Variants in NAV3 observed in about 807,000 individuals in gnomAD.
The protein encoded by NAV3 is neuron navigator 3, also known as pore membrane and/or filament interacting like protein 1.
Under a neutral mutation model 244.7 loss-of-function variants are expected in NAV3, and 87 were observed. The ratio of observed to expected loss-of-function variants is 0.36; its 90% confidence interval spans 0.30 to 0.42. The LOEUF (loss-of-function observed/expected upper bound fraction) is 0.42. Ranked by LOEUF, NAV3 falls within the 20% of genes least tolerant of loss-of-function variation. The pLI is 1.00. For missense variants in NAV3, 2,663 were observed against 2,893.3 expected, an observed-to-expected ratio of 0.92 and a Z score of 1.83; for synonymous variants, 1,126 against 1,042.2, an observed-to-expected ratio of 1.08 and a Z score of -1.55.
rs570300343 is a variant in NAV3, at chr12:77,928,938, G to GT, written c.244-11380dup. On this transcript the variant is annotated intron_variant, in intron 1 of 39. Coordinates refer to ENST00000397909, the MANE Select transcript of NAV3 (RefSeq NM_001024383.2). ...GCATAACAAAGTGTCACTGGGATGG[G>GT]TAGGGGTAGGTGCCAGAGAGTTCAG... Among the ~76,000 whole-genome samples, 12 of 152,304 alleles carry GT rather than the reference G, an allele frequency of 7.9e-5. 1 individual carries two copies. The highest frequency in any genetic ancestry group is 7.8e-4 in the Admixed American group (12 of 15,302).
At chr12:77,600,817 G>A (rs41343144) in intron 2 of NAV3, among the ~76,000 whole-genome samples, 1 of 151,896 alleles carries the variant, frequency 6.6e-6, no homozygotes, top group Non-Finnish European at 1.5e-5. Context: ...CAGACATTGG[G>A]CTCTGGCTCC....
chr12:77,742,417 A>G (rs1397128032), intron 2 of NAV3, among the ~76,000 whole-genome samples: 1 of 152,094 alleles, frequency 6.6e-6, no homozygotes, highest in Non-Finnish European at 1.5e-5. Flanking sequence ...CCACTTTTAC[A>G]CAGATTGTTT....
At chr12:78,068,088 G>A (rs905017284) in intron 12 of NAV3, among the ~76,000 whole-genome samples, 4 of 151,902 alleles carry the variant, frequency 2.6e-5, no homozygotes, top group Admixed American at 6.6e-5. Context: ...ATAGACATAA[G>A]TATTGAGGAC....
intron 1 of NAV3, among the ~76,000 whole-genome samples, chr12:77,895,742 T>TC (rs1884530778): frequency 6.6e-6 from 1 of 150,744 alleles, no homozygotes; most frequent in African/African-American, 2.4e-5. Context: ...CCTCTTGTTT[T>TC]TTTTTTTTTT....
At chr12:77,876,320 C>A (rs950805493) in intron 1 of NAV3, among the ~76,000 whole-genome samples, 3 of 152,018 alleles carry the variant, frequency 2.0e-5, no homozygotes, top group Non-Finnish European at 2.9e-5. Context: ...CTATATAGCT[C>A]TAACTTTTGA....
chr12:77,679,218 T>A (rs569795663), intron 2 of NAV3, among the ~76,000 whole-genome samples: 57 of 152,286 alleles, frequency 3.7e-4, no homozygotes, highest in African/African-American at 1.4e-3. Flanking sequence ...TACCTTTGAA[T>A]ATCATAATAG....
At chr12:77,578,880 G>A (rs1350989230) in intron 2 of NAV3, among the ~76,000 whole-genome samples, 2 of 149,870 alleles carry the variant, frequency 1.3e-5, no homozygotes, top group Non-Finnish European at 3.0e-5. Flanking sequence ...CTGTTTCCAC[G>A]TCCAACCTTT....
At chr12:78,036,683 G>C (rs1879942047) in intron 9 of NAV3, 1 of 528,740 alleles carries the variant, frequency 1.9e-6, no homozygotes, top group Non-Finnish European at 3.4e-6. Flanking sequence ...AAAGTGATGT[G>C]TCAAGCTAAA....
chr12:77,779,942 T>C (rs1870580542), intron 2 of NAV3, among the ~76,000 whole-genome samples: 2 of 152,256 alleles, frequency 1.3e-5, no homozygotes, highest in Admixed American at 1.3e-4. Context: ...CAGTGCATGT[T>C]ATTGGTACAT....
At chr12:78,179,797 A>T (rs1958422561) in intron 29 of NAV3, 115 bp downstream of exon 29, 2 of 1,179,766 alleles carry the variant, frequency 1.7e-6, no homozygotes, top group Non-Finnish European at 2.3e-6. Context: ...TTAGAAATGT[A>T]CTCTGTTTAT....
At chr12:77,671,640 G>A (rs944573556) in intron 2 of NAV3, among the ~76,000 whole-genome samples, 1 of 152,034 alleles carries the variant, frequency 6.6e-6, no homozygotes, top group Admixed American at 6.6e-5. Context: ...CTTTGATAAA[G>A]CAAACAAAAA....
intron 26 of NAV3, among the ~76,000 whole-genome samples, 164 bp downstream of exon 26, chr12:78,176,623 G>A (rs1958239530): frequency 6.6e-6 from 1 of 152,078 alleles, no homozygotes; most frequent in African/African-American, 2.4e-5. Flanking sequence ...TTAAAGAGAT[G>A]TAAAACCACT....
chr12:77,782,335 C>T (rs936900507), intron 2 of NAV3, among the ~76,000 whole-genome samples: 15 of 151,054 alleles, frequency 9.9e-5, no homozygotes, highest in African/African-American at 3.4e-4. Flanking sequence ...TTCTTCTCCC[C>T]TCCCTCCCTC....
At chr12:77,887,200 A>T (rs925043485) in intron 1 of NAV3, among the ~76,000 whole-genome samples, 7 of 152,142 alleles carry the variant, frequency 4.6e-5, no homozygotes, top group Non-Finnish European at 8.8e-5. Flanking sequence ...AGAAAATAAT[A>T]TAAATGCTAT....
chr12:78,143,302 G>T, intron 20 of NAV3: 1 of 452,082 alleles, frequency 2.2e-6, no homozygotes, highest in Non-Finnish European at 4.4e-6. Context: ...CTGCAGAGGT[G>T]TTACCTTTGG....
intron 2 of NAV3, among the ~76,000 whole-genome samples, chr12:77,686,889 A>T (rs561093506): frequency 5.3e-5 from 8 of 151,986 alleles, no homozygotes; most frequent in African/African-American, 1.9e-4. Flanking sequence ...TAATATGCAA[A>T]CAGAGTTGTA....
At chr12:77,879,343 G>A (rs1565883654) in intron 1 of NAV3, among the ~76,000 whole-genome samples, 1 of 151,896 alleles carries the variant, frequency 6.6e-6, no homozygotes, top group Admixed American at 6.6e-5. Context: ...TGATCAACAG[G>A]GCTATATAGG....
chr12:77,757,845 T>C (rs1242912546), intron 2 of NAV3, among the ~76,000 whole-genome samples: 2 of 152,232 alleles, frequency 1.3e-5, no homozygotes, highest in African/African-American at 4.8e-5. Context: ...CCTGGCTCAG[T>C]GCTTGATGCA....
At chr12:77,970,885 T>A (rs971121494) in intron 5 of NAV3, among the ~76,000 whole-genome samples, 1 of 152,060 alleles carries the variant, frequency 6.6e-6, no homozygotes, top group Admixed American at 6.6e-5. Flanking sequence ...ACAAGAATAG[T>A]AGCTGAAAAA....
Sources: gnomAD v4.1 joint callset for allele counts (sites outside exome capture counted in the v4.1 genomes callset) on GRCh38, gnomAD v4.1.1 for gene constraint, MANE v1.5 for transcripts, NCBI Gene and HGNC (gene_info 2026-07-23, HGNC 2026-07-21) for gene names.